FOXJ3: variants seen among roughly 807,000 people sequenced by gnomAD.
The protein encoded by FOXJ3 is forkhead box J3.
A neutral mutation model predicts 76.1 loss-of-function variants in FOXJ3; 22 were observed. The ratio of observed to expected loss-of-function variants is 0.29; its 90% CI spans 0.21 to 0.41. The LOEUF (loss-of-function observed/expected upper bound fraction) is 0.41. Among genes scored for constraint, FOXJ3 ranks in the 10% least tolerant of loss-of-function variants. FOXJ3 has a pLI of 1.00. For synonymous variants in FOXJ3, 269 were observed against 261.2 expected, an observed-to-expected ratio of 1.03 and a Z score of -0.29; for missense variants, 613 against 762.1, an observed-to-expected ratio of 0.80 and a Z score of 2.30.
chr1:42,219,857 T>C (rs894686950), intron 5 of FOXJ3, among the ~76,000 whole-genome samples: 1 of 152,208 alleles, frequency 6.6e-6, no homozygotes. Context: ...AGGTCGAGAC[T>C]GCAGTGAGCC....
intron 5 of FOXJ3, among the ~76,000 whole-genome samples, chr1:42,224,692 T>A (rs1472228403): frequency 6.6e-6 from 1 of 151,272 alleles, no homozygotes; most frequent in Admixed American, 6.6e-5. Context: ...AAAGAAAAAA[T>A]AATATTAGGA....
intron 4 of FOXJ3, among the ~76,000 whole-genome samples, chr1:42,260,659 C>T (rs928243186): frequency 3.3e-5 from 5 of 152,142 alleles, no homozygotes; most frequent in East Asian, 3.9e-4. Flanking sequence ...AGGGCAAGAT[C>T]CTGTCTCAAA....
rs758830735 is a variant in FOXJ3 at position 42,179,765 on chromosome 1, C to T, written c.1814G>A (p.Arg605His). ...MMPSQAFQMRRSLPPDDIQDD... is the reference protein window; with the variant it reads ...MMPSQAFQMRHSLPPDDIQDD... ...CTGGATGTCATCTGGAGGCAGGGAA[C>T]GCCGCATCTGGAAGGCTTGGGAAGG... The change falls in exon 13 of 13, where the codon CGT (arginine) becomes CAT (histidine). Residue 605 changes from arginine (R) to histidine (H), a missense_variant. By Grantham distance (29) the Arg-to-His change is conservative. Transcript: ENST00000361346. 10 of 1,613,930 alleles carry T rather than the reference C, an allele frequency of 6.2e-6. No homozygotes were observed. Among genetic ancestry groups the T allele is most frequent in the South Asian group, 4.4e-5 (4 of 91,086 alleles).
intron 3 of FOXJ3, among the ~76,000 whole-genome samples, chr1:42,274,677 A>G (rs1652124551): frequency 6.6e-6 from 1 of 152,200 alleles, no homozygotes; most frequent in Admixed American, 6.5e-5. Flanking sequence ...TGCCTGGCAG[A>G]CAGAAAATAA....
rs114776725 is a variant in FOXJ3 at position 42,264,825 on chromosome 1, T to A, written c.444+290A>T. 1.4e-3 allele frequency: 463 copies of A among 328,374 alleles called. 3 individuals are homozygous for A. The highest frequency in any genetic ancestry group is 9.7e-3 in the African/African-American group (439 of 45,342). 20.3% of individuals were successfully genotyped at this position (328,374 alleles called of 1,614,324 possible). On this transcript the variant is annotated intron_variant, in intron 4 of 12. Transcript: ENST00000361346. ...GAGATGCACCCCTTATATGTAATAA[T>A]GAATTATGGTTCCTGACAAGCAGCT...
At chr1:42,276,341 G>C (rs1462873401) in intron 3 of FOXJ3, among the ~76,000 whole-genome samples, 1 of 151,846 alleles carries the variant, frequency 6.6e-6, no homozygotes, top group African/African-American at 2.4e-5. Context: ...GGACAACAAA[G>C]CAAGACTCTG....
chr1:42,248,640 C>T (rs1007518096), intron 4 of FOXJ3, among the ~76,000 whole-genome samples: 45 of 149,830 alleles, frequency 3.0e-4, no homozygotes, highest in African/African-American at 1.0e-3. Flanking sequence ...TCTAATCAAA[C>T]ACAGGGTATG....
intron 3 of FOXJ3, among the ~76,000 whole-genome samples, chr1:42,274,966 G>C (rs572671368): frequency 4.6e-5 from 7 of 152,108 alleles, no homozygotes; most frequent in Non-Finnish European, 7.4e-5. Context: ...CTTACTTACA[G>C]GGACAGCTAG....
intron 4 of FOXJ3, among the ~76,000 whole-genome samples, chr1:42,245,219 A>G (rs1368727691): frequency 6.6e-6 from 1 of 151,964 alleles, no homozygotes; most frequent in Non-Finnish European, 1.5e-5. Context: ...CCAAGATTAC[A>G]AAGCCTTCAC....
intron 1 of FOXJ3, among the ~76,000 whole-genome samples, chr1:42,332,440 A>G (rs1656217156): frequency 6.6e-6 from 1 of 152,208 alleles, no homozygotes; most frequent in Non-Finnish European, 1.5e-5. Flanking sequence ...CGCTTAGAAT[A>G]CCTGTCATAC....
intron 4 of FOXJ3, among the ~76,000 whole-genome samples, chr1:42,254,046 A>G (rs1266518865): frequency 2.2e-4 from 34 of 151,852 alleles, no homozygotes; most frequent in African/African-American, 7.7e-4. Flanking sequence ...ATGGGAGAAA[A>G]TTTTCACAAC....
chr1:42,231,003 T>C (rs568644057), intron 4 of FOXJ3, among the ~76,000 whole-genome samples: 7 of 152,128 alleles, frequency 4.6e-5, no homozygotes, highest in Non-Finnish European at 8.8e-5. Flanking sequence ...CAATGGAGTA[T>C]TACTCAACCT....
chr1:42,275,781 G>A (rs1652215084), intron 3 of FOXJ3, among the ~76,000 whole-genome samples: 1 of 152,070 alleles, frequency 6.6e-6, no homozygotes, highest in South Asian at 2.1e-4. Flanking sequence ...TGATTCCAGG[G>A]GCAAGGAAGA....
chr1:42,251,987 G>A (rs1435783475), intron 4 of FOXJ3, among the ~76,000 whole-genome samples: 1 of 152,100 alleles, frequency 6.6e-6, no homozygotes, highest in Non-Finnish European at 1.5e-5. Flanking sequence ...AAAGTGCTGG[G>A]ATTACAGGCG....
At chr1:42,299,752 A>G (rs1229488151) in intron 2 of FOXJ3, among the ~76,000 whole-genome samples, 2 of 151,922 alleles carry the variant, frequency 1.3e-5, no homozygotes, top group Admixed American at 1.3e-4. Flanking sequence ...ACTAAAAAAT[A>G]CAAAAGTTAG....
At chr1:42,316,967 A>G (rs1315722075) in intron 1 of FOXJ3, among the ~76,000 whole-genome samples, 1 of 152,198 alleles carries the variant, frequency 6.6e-6, no homozygotes, top group East Asian at 1.9e-4. Flanking sequence ...AGAAATCACC[A>G]CTAAAGAACT....
rs1189629172 is a variant in FOXJ3, at chr1:42,253,598, A to G, written c.444+11517T>C. ...GCTACAGTAACCAAAACAGCATGGT[A>G]CTGGTACCAAAACAGAGATATAGAT... On this transcript the variant is annotated intron_variant, in intron 4 of 12. Transcript: ENST00000361346. 2.6e-5 allele frequency among the ~76,000 whole-genome samples: 4 copies of G among 151,470 alleles called. No homozygotes were observed. In the South Asian group the frequency reaches 6.3e-4, roughly 24 times the overall value.
chr1:42,180,627 C>T (rs979725456), intron 12 of FOXJ3, among the ~76,000 whole-genome samples: 2 of 152,030 alleles, frequency 1.3e-5, no homozygotes, highest in Admixed American at 6.6e-5. Context: ...GTCTGCTACT[C>T]ATTTTTCTCA....
intron 3 of FOXJ3, among the ~76,000 whole-genome samples, chr1:42,267,102 G>A (rs1212327035): frequency 6.6e-6 from 1 of 152,070 alleles, no homozygotes; most frequent in African/African-American, 2.4e-5. Context: ...AGATACACAA[G>A]ACTAGTCTGG....
Sources: gnomAD v4.1 joint callset for allele counts (sites outside exome capture counted in the v4.1 genomes callset) on GRCh38, gnomAD v4.1.1 for gene constraint, MANE v1.5 for transcripts, NCBI Gene and HGNC (gene_info 2026-07-23, HGNC 2026-07-21) for gene names.